WWC1: variants seen among roughly 807,000 people sequenced by gnomAD.
The protein encoded by WWC1 is WW and C2 domain containing 1.
Under a neutral mutation model 138.4 loss-of-function variants are expected in WWC1, and 55 were observed. The ratio of observed to expected loss-of-function variants is 0.40; its 90% confidence interval spans 0.32 to 0.50. The LOEUF (loss-of-function observed/expected upper bound fraction) is 0.50, where lower values mean the gene tolerates loss of function less well. Among genes scored for constraint, WWC1 ranks in the 20% least tolerant of loss-of-function variants. The probability of loss-of-function intolerance (pLI) is 0.72; values close to 1 mark genes in which losing one functional copy is unlikely to be tolerated. For synonymous variants in WWC1, 524 were observed against 564.9 expected (o/e 0.93, Z 1.03); for missense variants, 1,226 against 1,420.4 (o/e 0.86, Z 2.20).
At chr5:168,293,471 T>C (rs1769251489) in intron 1 of WWC1, among the ~76,000 whole-genome samples, 1 of 152,098 alleles carries the variant, frequency 6.6e-6, no homozygotes, top group Non-Finnish European at 1.5e-5. Flanking sequence ...GAGTTGAGAT[T>C]CTCGGTAGTT....
intron 3 of WWC1, among the ~76,000 whole-genome samples, chr5:168,385,730 T>A (rs1777993618): frequency 6.6e-6 from 1 of 152,178 alleles, no homozygotes; most frequent in South Asian, 2.1e-4. Context: ...GAGTTTCAGT[T>A]TGGGAAGAAG....
At chr5:168,358,387 G>A (rs764343066) in intron 1 of WWC1, among the ~76,000 whole-genome samples, 6 of 152,224 alleles carry the variant, frequency 3.9e-5, no homozygotes, top group Admixed American at 6.5e-5. Context: ...TCCTCTGGCT[G>A]CGTGACCCCA....
intron 2 of WWC1, among the ~76,000 whole-genome samples, chr5:168,379,364 G>A (rs143471551): frequency 7.2e-4 from 109 of 152,210 alleles, no homozygotes; most frequent in African/African-American, 2.5e-3. Flanking sequence ...CCCCCTCAGG[G>A]TGTGACAGTT....
intron 11 of WWC1, among the ~76,000 whole-genome samples, chr5:168,426,261 C>A (rs955208212): frequency 6.6e-6 from 1 of 152,258 alleles, no homozygotes; most frequent in Middle Eastern, 3.4e-3. Flanking sequence ...TGGCAAGCCT[C>A]AGAAAATTGT....
intron 2 of WWC1, among the ~76,000 whole-genome samples, chr5:168,378,910 C>T (rs938386820): frequency 6.6e-6 from 1 of 151,974 alleles, no homozygotes; most frequent in Non-Finnish European, 1.5e-5. Flanking sequence ...GTATTGTTAG[C>T]GGCGTGGGTG....
chr5:168,433,682 C>T (rs963155167), intron 15 of WWC1, among the ~76,000 whole-genome samples: 9 of 152,126 alleles, frequency 5.9e-5, no homozygotes, highest in African/African-American at 9.7e-5. Context: ...GGACTACAAG[C>T]GCCCACCACC....
At chr5:168,314,682 A>T (rs1425643839) in intron 1 of WWC1, among the ~76,000 whole-genome samples, 1 of 152,218 alleles carries the variant, frequency 6.6e-6, no homozygotes, top group African/African-American at 2.4e-5. Context: ...CCCTGGCCCC[A>T]GCCAGGGGGA....
chr5:168,405,216 A>G (rs772378483), intron 5 of WWC1, among the ~76,000 whole-genome samples: 1 of 152,120 alleles, frequency 6.6e-6, no homozygotes, highest in Non-Finnish European at 1.5e-5. Context: ...CATTGTGTTC[A>G]TTAGCTCAAC....
At chr5:168,407,417 C>T (rs1208267309) in intron 6 of WWC1, among the ~76,000 whole-genome samples, 1 of 152,184 alleles carries the variant, frequency 6.6e-6, no homozygotes, top group Admixed American at 6.6e-5. Flanking sequence ...TATCACCTCC[C>T]TTTCCACAAA....
At chr5:168,341,713 A>G (rs1321612378) in intron 1 of WWC1, among the ~76,000 whole-genome samples, 1 of 151,576 alleles carries the variant, frequency 6.6e-6, no homozygotes, top group Non-Finnish European at 1.5e-5. Context: ...AAAAAAAAAA[A>G]AAAGATTTTG....
intron 1 of WWC1, among the ~76,000 whole-genome samples, chr5:168,369,673 T>G (rs1374987902): frequency 6.6e-6 from 1 of 152,148 alleles, no homozygotes; most frequent in Non-Finnish European, 1.5e-5. Context: ...AGCTTTTGGG[T>G]ATTCATTCAA....
chr5:168,338,806 T>C (rs1773728267), intron 1 of WWC1, among the ~76,000 whole-genome samples: 2 of 152,174 alleles, frequency 1.3e-5, no homozygotes. Flanking sequence ...AAGTAAAAAG[T>C]AGAACAGGGG....
At chr5:168,444,950 G>A (rs1755112116) in intron 17 of WWC1, among the ~76,000 whole-genome samples, 2 of 151,830 alleles carry the variant, frequency 1.3e-5, no homozygotes, top group African/African-American at 4.8e-5. Flanking sequence ...CTTGGGAATT[G>A]CATTTGACTT....
At chr5:168,319,141 C>T (rs1297179323) in intron 1 of WWC1, among the ~76,000 whole-genome samples, 3 of 152,052 alleles carry the variant, frequency 2.0e-5, no homozygotes, top group African/African-American at 7.2e-5. Flanking sequence ...ATGTGTTAGC[C>T]GGGCGTGGTG....
intron 1 of WWC1, among the ~76,000 whole-genome samples, chr5:168,317,008 T>C (rs1215802263): frequency 6.6e-6 from 1 of 152,194 alleles, no homozygotes; most frequent in Non-Finnish European, 1.5e-5. Context: ...TCAAAAATCT[T>C]GTTAGATGCT....
chr5:168,415,188 G>A (rs1780511576), intron 9 of WWC1: 1 of 154,734 alleles, frequency 6.5e-6, no homozygotes, highest in African/African-American at 2.4e-5. Flanking sequence ...AGTGGTCTGT[G>A]TTAGACCAGA....
intron 15 of WWC1, among the ~76,000 whole-genome samples, chr5:168,434,724 A>C (rs1782224951): frequency 6.6e-6 from 1 of 152,144 alleles, no homozygotes; most frequent in Non-Finnish European, 1.5e-5. Flanking sequence ...GGTTTGGAGG[A>C]ATACACAGCC....
In WWC1 at chr5:168,339,806, T is replaced by TTTTCTTTC. The variant is rs138461958; in HGVS notation, c.120-31598_120-31591dup. ...ATGAGACAAGTACCATTCTTTTTGT[T>TTTTCTTTC]TTTCTTTCTTTCTTTCTTTCTTTCT... On this transcript the variant is annotated intron_variant, in intron 1 of 22. Transcript: ENST00000265293. 1.8e-3 allele frequency among the ~76,000 whole-genome samples: 255 copies of TTTTCTTTC among 142,720 alleles called. 2 individuals are homozygous for TTTTCTTTC. The highest frequency in any genetic ancestry group is 6.2e-3 in the African/African-American group (218 of 34,962). The allele number at this position is 142,720 out of a possible 152,430, so 93.6% of individuals were successfully genotyped here. A position where few individuals can be genotyped will look rare whatever the true frequency, so the allele number is the denominator to read the frequency against.
At chr5:168,386,504 T>C (rs1460361304) in intron 3 of WWC1, among the ~76,000 whole-genome samples, 1 of 151,982 alleles carries the variant, frequency 6.6e-6, no homozygotes, top group Non-Finnish European at 1.5e-5. Flanking sequence ...GCCATTCTCC[T>C]GCCTCAGCCT....
Sources: gnomAD v4.1 joint callset for allele counts (sites outside exome capture counted in the v4.1 genomes callset) on GRCh38, gnomAD v4.1.1 for gene constraint, MANE v1.5 for transcripts, NCBI Gene and HGNC (gene_info 2026-07-23, HGNC 2026-07-21) for gene names.